Variants in SLC44A1 observed in about 807,000 individuals in gnomAD.
The protein encoded by SLC44A1 is solute carrier family 44 member 1.
A neutral mutation model predicts 79.3 loss-of-function variants in SLC44A1; 26 were observed. The ratio of observed to expected loss-of-function variants is 0.33; its 90% CI spans 0.24 to 0.46. SLC44A1 has a LOEUF of 0.46. SLC44A1 is among the 20% of genes least tolerant of loss of function. The probability of loss-of-function intolerance (pLI) is 1.00; values close to 1 mark genes in which losing one functional copy is unlikely to be tolerated. For synonymous variants in SLC44A1, 263 were observed against 286.2 expected, an observed-to-expected ratio of 0.92 and a Z score of 0.82; for missense variants, 688 against 798.1, an observed-to-expected ratio of 0.86 and a Z score of 1.66.
intron 7 of SLC44A1, among the ~76,000 whole-genome samples, chr9:105,360,309 C>T (rs1827741451): frequency 6.6e-6 from 1 of 152,152 alleles, no homozygotes; most frequent in Non-Finnish European, 1.5e-5. Context: ...CAAAGCTTTC[C>T]CTACCCAGAC....
chr9:105,382,344 CA>C (rs1252462992), intron 13 of SLC44A1, among the ~76,000 whole-genome samples: 1 of 152,144 alleles, frequency 6.6e-6, no homozygotes, highest in Non-Finnish European at 1.5e-5. Context: ...AAATAAGCAT[CA>C]GAGTGGGTGG....
chr9:105,247,530 C>T (rs992138238), intron 1 of SLC44A1, among the ~76,000 whole-genome samples: 1 of 152,132 alleles, frequency 6.6e-6, no homozygotes, highest in African/African-American at 2.4e-5. Flanking sequence ...CTCCTGACCT[C>T]GGGTGATCTA....
chr9:105,276,016 G>C (rs762029475), intron 1 of SLC44A1, among the ~76,000 whole-genome samples: 1 of 152,046 alleles, frequency 6.6e-6, no homozygotes, highest in African/African-American at 2.4e-5. Context: ...TGTTGGACCA[G>C]GTTGGTGTCA....
chr9:105,413,231 C>T (rs1829120575), intron 15 of SLC44A1, among the ~76,000 whole-genome samples: 1 of 152,154 alleles, frequency 6.6e-6, no homozygotes, highest in African/African-American at 2.4e-5. Context: ...TTCTGCCCAT[C>T]TTTTTCATGA....
Position 105,393,665 on chromosome 9 carries a change from A to G in SLC44A1, c.*4609A>G. On this transcript the variant is annotated 3_prime_UTR_variant, in exon 16 of 16. Coordinates refer to ENST00000374720, the MANE Select transcript of SLC44A1 (RefSeq NM_080546.5). ...TCCCATCTTGATTTTGTACATGTAA[A>G]GACAAATGATGATTCAGTTTCAATA... 1.0e-6 allele frequency: 1 copy of G among 984,716 alleles called. No individual in the cohort carries two copies. Among genetic ancestry groups the G allele is most frequent in the Non-Finnish European group, 1.2e-6 (1 of 829,292 alleles). The allele number at this position is 984,716 out of a possible 1,614,324, so 61.0% of individuals were successfully genotyped here. A position where few individuals can be genotyped will look rare whatever the true frequency, so the allele number is the denominator to read the frequency against.
At chr9:105,335,445 G>A (rs1432362403) in intron 3 of SLC44A1, 118 bp from the exon 4 acceptor site, 1 of 693,308 alleles carries the variant, frequency 1.4e-6, no homozygotes. Flanking sequence ...TTTATGATGA[G>A]ATTTTTATCG....
At chr9:105,342,690 AT>A (rs1827133774) in intron 4 of SLC44A1, among the ~76,000 whole-genome samples, 1 of 152,198 alleles carries the variant, frequency 6.6e-6, no homozygotes, top group Admixed American at 6.5e-5. Context: ...CAGCATGGGC[AT>A]CTGAATTGGA....
chr9:105,371,891 C>A (rs931536296), intron 12 of SLC44A1, among the ~76,000 whole-genome samples: 1 of 152,032 alleles, frequency 6.6e-6, no homozygotes, highest in African/African-American at 2.4e-5. Flanking sequence ...CTGGCTGGGG[C>A]AGTTCTTCTT....
At chr9:105,258,078 A>G (rs1829752975) in intron 1 of SLC44A1, among the ~76,000 whole-genome samples, 1 of 152,256 alleles carries the variant, frequency 6.6e-6, no homozygotes, top group Non-Finnish European at 1.5e-5. Flanking sequence ...TCAAAATAAA[A>G]TAGACCTTCC....
At chr9:105,401,680 C>A (rs1276114457), downstream of SLC44A1, among the ~76,000 whole-genome samples, 2 of 152,102 alleles carry the variant, frequency 1.3e-5, no homozygotes, top group African/African-American at 4.8e-5. Context: ...GGGAGATGCA[C>A]GTCTCACATT....
At chr9:105,383,922 C>T (rs1828551632) in intron 14 of SLC44A1, among the ~76,000 whole-genome samples, 3 of 152,142 alleles carry the variant, frequency 2.0e-5, no homozygotes, top group African/African-American at 7.2e-5. Flanking sequence ...GCAGATTTTT[C>T]ATATTAGAAC....
chr9:105,360,175 A>G (rs759710410), intron 7 of SLC44A1, among the ~76,000 whole-genome samples: 8 of 152,070 alleles, frequency 5.3e-5, no homozygotes, highest in Non-Finnish European at 1.0e-4. Flanking sequence ...GTCTCTTTGA[A>G]CTTTGCCTGG....
intron 3 of SLC44A1, among the ~76,000 whole-genome samples, chr9:105,332,510 ATTTC>A (rs750480715): frequency 2.0e-5 from 3 of 152,146 alleles, no homozygotes; most frequent in Non-Finnish European, 4.4e-5. Context: ...GAAGATGTGT[ATTTC>A]TTATTCAAAT....
In SLC44A1 at chr9:105,395,675, C is replaced by T. The variant is rs942478305; in HGVS notation, c.*6619C>T. 1 of 985,312 alleles carries T rather than the reference C, an allele frequency of 1.0e-6. No individual in the cohort carries two copies. Among genetic ancestry groups the T allele is most frequent in the South Asian group, 4.7e-5 (1 of 21,280 alleles). 61.0% of individuals were successfully genotyped at this position (985,312 alleles called of 1,614,324 possible). A position where few individuals can be genotyped will look rare whatever the true frequency, so the allele number is the denominator to read the frequency against. ...GTAAGACTTAAAGGGAATATTCTGACCTTCGTGTATGAATCTGATCCACCC... is the reference window on the plus strand; with the variant it reads ...GTAAGACTTAAAGGGAATATTCTGATCTTCGTGTATGAATCTGATCCACCC... On this transcript the variant is annotated 3_prime_UTR_variant, in exon 16 of 16. Transcript: ENST00000374720.
At position 105,408,490 on chromosome 9, in the gene SLC44A1, A is replaced by G. The variant is rs55709299; in HGVS notation, c.1950+22988A>G. Among the ~76,000 whole-genome samples, 3 of 151,794 alleles carry G rather than the reference A, an allele frequency of 2.0e-5. No individual in the cohort carries two copies. In the East Asian group the frequency reaches 5.8e-4, roughly 29 times the overall value. On this transcript the variant is annotated intron_variant, in intron 15 of 15. Coordinates refer to the SLC44A1 transcript ENST00000374724. ...AGTGGCATGATCTCAGCTCACTGCA[A>G]CCTCCACCTCCTGGGTTCAAGTGAT...
chr9:105,278,398 G>A (rs1009667911), intron 1 of SLC44A1, among the ~76,000 whole-genome samples: 12 of 152,104 alleles, frequency 7.9e-5, no homozygotes, highest in Admixed American at 1.3e-4. Flanking sequence ...ACGGGCGCCC[G>A]CCACCACGCC....
intron 15 of SLC44A1, among the ~76,000 whole-genome samples, chr9:105,411,446 C>CTGTGTGTGTGTGTG (rs1156343764): frequency 9.1e-5 from 13 of 142,680 alleles, no homozygotes; most frequent in African/African-American, 3.5e-4. Flanking sequence ...TGGTCTCTCT[C>CTGTGTGTGTGTGTG]TGTGTATGTG....
At chr9:105,383,041 A>G (rs1828519036) in intron 13 of SLC44A1, 82 bp from the exon 14 acceptor site, 1 of 923,774 alleles carries the variant, frequency 1.1e-6, no homozygotes. Flanking sequence ...TAAATAGTAG[A>G]ATTTTAAGTC....
rs1828745697 is a variant in SLC44A1, at chr9:105,390,761, A to G, written c.*1705A>G. On this transcript the variant is annotated 3_prime_UTR_variant, in exon 16 of 16. Coordinates refer to ENST00000374720, the MANE Select transcript of SLC44A1 (RefSeq NM_080546.5). Reference sequence around the variant, plus strand: ...TTTCTGATTTTTCAGAATATTTGCAATAAGAGTCTGGATTTTAAAAAACAC... The same window carrying G: ...TTTCTGATTTTTCAGAATATTTGCAGTAAGAGTCTGGATTTTAAAAAACAC... 3 of 985,282 alleles carry G rather than the reference A, an allele frequency of 3.0e-6. No homozygotes were observed. The highest frequency in any genetic ancestry group is 3.6e-6 in the Non-Finnish European group (3 of 829,586). The allele number at this position is 985,282 out of a possible 1,614,324, so 61.0% of individuals were successfully genotyped here.
Sources: allele counts gnomAD v4.1 joint callset (sites outside exome capture counted in the v4.1 genomes callset), GRCh38; gene constraint gnomAD v4.1.1; transcripts MANE v1.5; gene names NCBI Gene and HGNC (gene_info 2026-07-23, HGNC 2026-07-21).